MCC: variants seen among roughly 807,000 people sequenced by gnomAD.
The protein encoded by MCC is colorectal mutant cancer protein.
A neutral mutation model predicts 116.2 loss-of-function variants in MCC; 90 were observed. The observed-to-expected ratio is 0.77, with a 90% CI of 0.65 to 0.92. The LOEUF (loss-of-function observed/expected upper bound fraction) is 0.92. MCC is among the 40% of genes least tolerant of loss of function. The pLI, the probability that MCC is intolerant of heterozygous loss-of-function variation, is 0.00. For missense variants in MCC, 1,516 were observed against 1,312.2 expected (o/e 1.16, Z -2.40); for synonymous variants, 578 against 510.5 (o/e 1.13, Z -1.78).
chr5:113,117,631 C>G (rs1012759688), intron 6 of MCC, among the ~76,000 whole-genome samples: 2 of 152,212 alleles, frequency 1.3e-5, no homozygotes, highest in Non-Finnish European at 2.9e-5. Context: ...CCCATACCAT[C>G]AGGGATTTTG....
intron 3 of MCC, among the ~76,000 whole-genome samples, chr5:113,214,935 C>T (rs1191368766): frequency 6.6e-6 from 1 of 152,182 alleles, no homozygotes; most frequent in Non-Finnish European, 1.5e-5. Flanking sequence ...ACTGGAAAAC[C>T]TGCAGTGAGG....
Position 113,101,881 on chromosome 5 carries a change from G to A in MCC, c.1256C>T (p.Ser419Phe). 1.2e-6 allele frequency: 2 copies of A among 1,613,898 alleles called. No individual in the cohort carries two copies. Among genetic ancestry groups the A allele is most frequent in the Non-Finnish European group, 1.7e-6 (2 of 1,180,018 alleles). Reference sequence around the variant, plus strand: ...CCCAGCCAGCTCCTTCTCCCACCGAGACCTCTCTTCAGCCAGGTTGGGATA... The same window carrying A: ...CCCAGCCAGCTCCTTCTCCCACCGAAACCTCTCTTCAGCCAGGTTGGGATA... ...DLYPNLAEER[S>F]RWEKELAGLR... The change falls in exon 8 of 19, where the codon TCT becomes TTT. Residue 419 changes from serine (S) to phenylalanine (F), a missense_variant. Transcript: ENST00000408903.
At chr5:113,098,250 T>G (rs1756166788) in intron 8 of MCC, among the ~76,000 whole-genome samples, 1 of 152,150 alleles carries the variant, frequency 6.6e-6, no homozygotes, top group South Asian at 2.1e-4. Flanking sequence ...GAGAAAGTGG[T>G]TCCTGCCATC....
intron 3 of MCC, among the ~76,000 whole-genome samples, chr5:113,170,594 G>A (rs773915887): frequency 2.0e-5 from 3 of 151,974 alleles, no homozygotes; most frequent in Non-Finnish European, 4.4e-5. Context: ...TCCTATAAGT[G>A]TTGTTTGTTA....
At position 113,101,733 on chromosome 5, in the gene MCC, G is replaced by A. The variant is rs971185761; in HGVS notation, c.1398+6C>T. ...GGCCTGACCATTATGGATGCAGCAT[G>A]CTCACCCTCCTCCGGAGCCGGTCCC... is the stretch of plus-strand genomic sequence containing the variant. On this transcript the variant is annotated splice_donor_region_variant and intron_variant, in intron 8 of 18. Transcript: ENST00000408903. 4 of 1,612,604 alleles carry A rather than the reference G, an allele frequency of 2.5e-6. No homozygotes were observed. In the African/African-American group the frequency reaches 5.3e-5, roughly 22 times the overall value.
chr5:113,474,684 C>T (rs561453463), intron 1 of MCC, among the ~76,000 whole-genome samples: 62 of 152,294 alleles, frequency 4.1e-4, no homozygotes, highest in Middle Eastern at 3.4e-3. Flanking sequence ...GATTAGAATA[C>T]TAGGATAATA....
chr5:113,275,738 G>A (rs183941580), intron 3 of MCC, among the ~76,000 whole-genome samples: 9 of 152,242 alleles, frequency 5.9e-5, no homozygotes, highest in Admixed American at 4.6e-4. Flanking sequence ...TAAGTAACTA[G>A]AGATGATTTA....
intron 1 of MCC, chr5:113,436,786 T>A (rs1426377676): frequency 6.6e-6 from 1 of 152,184 alleles, no homozygotes; most frequent in African/African-American, 2.4e-5. Flanking sequence ...CTCTACAACC[T>A]CTTACCCCAG....
intron 3 of MCC, among the ~76,000 whole-genome samples, chr5:113,195,935 G>C (rs1302480529): frequency 6.6e-6 from 1 of 152,084 alleles, no homozygotes; most frequent in Non-Finnish European, 1.5e-5. Context: ...TTTTGCATCT[G>C]TCACCCCCTC....
intron 6 of MCC, among the ~76,000 whole-genome samples, chr5:113,116,981 T>C (rs1352619756): frequency 6.6e-6 from 1 of 152,252 alleles, no homozygotes; most frequent in Non-Finnish European, 1.5e-5. Flanking sequence ...GCTTGGCCTG[T>C]TACATGAACT....
intron 3 of MCC, among the ~76,000 whole-genome samples, chr5:113,282,250 T>C (rs759864763): frequency 2.0e-5 from 3 of 152,192 alleles, no homozygotes; most frequent in Non-Finnish European, 4.4e-5. Flanking sequence ...TTCAACTTAG[T>C]ATCCTGACCC....
At chr5:113,468,188 G>C (rs1482545243) in intron 1 of MCC, among the ~76,000 whole-genome samples, 1 of 152,140 alleles carries the variant, frequency 6.6e-6, no homozygotes. Context: ...TCTCCTGCCT[G>C]ACTGCCCTGG....
At chr5:113,239,019 GT>G (rs1370650428) in intron 3 of MCC, among the ~76,000 whole-genome samples, 2 of 151,784 alleles carry the variant, frequency 1.3e-5, no homozygotes, top group African/African-American at 2.4e-5. Context: ...TCATGCATAT[GT>G]TTTTTTTCAA....
chr5:113,473,399 C>T (rs1489165896), intron 1 of MCC, among the ~76,000 whole-genome samples: 1 of 152,004 alleles, frequency 6.6e-6, no homozygotes, highest in Non-Finnish European at 1.5e-5. Context: ...GGGTGGATGC[C>T]TCTAGTTCCA....
chr5:113,402,367 C>T (rs1004025479), intron 1 of MCC, among the ~76,000 whole-genome samples: 10 of 151,438 alleles, frequency 6.6e-5, no homozygotes. Context: ...CTATGATGGC[C>T]AGGCTGGTCT....
chr5:113,142,437 C>G (rs939099669), intron 5 of MCC, among the ~76,000 whole-genome samples: 1 of 151,812 alleles, frequency 6.6e-6, no homozygotes. Flanking sequence ...GCAGATACAA[C>G]CAACTAATCA....
At chr5:113,170,975 T>A (rs2150303412) in intron 3 of MCC, among the ~76,000 whole-genome samples, 1 of 152,162 alleles carries the variant, frequency 6.6e-6, no homozygotes, top group Middle Eastern at 3.4e-3. Flanking sequence ...AAGCACCGAG[T>A]ACATGCGTCC....
chr5:113,080,302 A>G (rs141671317), intron 11 of MCC, among the ~76,000 whole-genome samples: 51,260 of 152,080 alleles, frequency 0.34, 8,650 homozygotes, highest in Middle Eastern at 0.39. Context: ...CCCATTACTG[A>G]GCATATGCCT....
intron 2 of MCC, among the ~76,000 whole-genome samples, chr5:113,368,381 T>C (rs1222417669): frequency 6.6e-6 from 1 of 152,182 alleles, no homozygotes; most frequent in African/African-American, 2.4e-5. Context: ...TGAAGGAAAA[T>C]TTCATAGACT....
Sources: gnomAD v4.1 joint callset for allele counts (sites outside exome capture counted in the v4.1 genomes callset) on GRCh38, gnomAD v4.1.1 for gene constraint, MANE v1.5 for transcripts, NCBI Gene and HGNC (gene_info 2026-07-23, HGNC 2026-07-21) for gene names.